Variants in RAPGEF4 observed in about 807,000 individuals in gnomAD.
RAPGEF4 encodes the protein Rap guanine nucleotide exchange factor 4.
In RAPGEF4, 66 loss-of-function variants were observed where a neutral mutation model predicts 147.9. The observed-to-expected ratio is 0.45, with a 90% confidence interval of 0.37 to 0.55. RAPGEF4 has a LOEUF of 0.55. RAPGEF4 is among the 20% of genes least tolerant of loss of function. The pLI is 0.00. For missense variants in RAPGEF4, 1,071 were observed against 1,257.3 expected (o/e 0.85, Z 2.24); for synonymous variants, 419 against 442.7 (o/e 0.95, Z 0.67).
At chr2:172,802,016 G>A (rs1311327708) in intron 3 of RAPGEF4, among the ~76,000 whole-genome samples, 1 of 152,150 alleles carries the variant, frequency 6.6e-6, no homozygotes, top group African/African-American at 2.4e-5. Flanking sequence ...ATAAGTGTAG[G>A]TGATAGGGAG....
intron 4 of RAPGEF4, among the ~76,000 whole-genome samples, chr2:172,907,333 C>T (rs1179470842): frequency 1.3e-5 from 2 of 152,232 alleles, no homozygotes; most frequent in Non-Finnish European, 2.9e-5. Context: ...CTTCTTTCTG[C>T]CTTCCCTCTT....
At chr2:172,921,952 T>C (rs138252706) in intron 5 of RAPGEF4, among the ~76,000 whole-genome samples, 6,588 of 152,332 alleles carry the variant, frequency 0.043, 229 homozygotes, top group South Asian at 0.14. Flanking sequence ...CCGAGTGTTC[T>C]GGTGCCTAAA....
At chr2:172,737,320 A>T (rs1471511875) in intron 1 of RAPGEF4, among the ~76,000 whole-genome samples, 1 of 152,234 alleles carries the variant, frequency 6.6e-6, no homozygotes, top group African/African-American at 2.4e-5. Context: ...AGAAGAACTA[A>T]GAGTATTTAA....
At chr2:172,777,728 C>G (rs73979549) in intron 1 of RAPGEF4, among the ~76,000 whole-genome samples, 12,064 of 152,144 alleles carry the variant, frequency 0.079, 504 homozygotes, top group African/African-American at 0.09. Flanking sequence ...TTTGAGTTCT[C>G]CCTCTCTGCC....
At chr2:173,005,419 G>T (rs17689935) in intron 17 of RAPGEF4, among the ~76,000 whole-genome samples, 52,567 of 151,196 alleles carry the variant, frequency 0.35, 10,226 homozygotes, top group East Asian at 0.79. Flanking sequence ...TTGATTCAGA[G>T]TATTTTCACA....
intron 4 of RAPGEF4, among the ~76,000 whole-genome samples, chr2:172,904,835 T>C (rs1441577659): frequency 6.6e-6 from 1 of 151,788 alleles, no homozygotes; most frequent in Non-Finnish European, 1.5e-5. Context: ...TGTTTTCCCA[T>C]CAAAACCATC....
At chr2:172,866,967 T>TC (rs1356760408) in intron 4 of RAPGEF4, among the ~76,000 whole-genome samples, 2 of 151,382 alleles carry the variant, frequency 1.3e-5, no homozygotes, top group Admixed American at 1.3e-4. Flanking sequence ...TTTTTTTTTT[T>TC]CTTGAGACAG....
At chr2:173,007,511 C>T (rs1419309304) in intron 17 of RAPGEF4, among the ~76,000 whole-genome samples, 1 of 152,122 alleles carries the variant, frequency 6.6e-6, no homozygotes, top group Non-Finnish European at 1.5e-5. Flanking sequence ...AAATGACTTC[C>T]AGAGAAGAAT....
At chr2:172,975,841 T>G (rs1207394998) in intron 10 of RAPGEF4, among the ~76,000 whole-genome samples, 1 of 152,260 alleles carries the variant, frequency 6.6e-6, no homozygotes, top group Non-Finnish European at 1.5e-5. Flanking sequence ...CTTAGGTGTT[T>G]TAAAGGAAAA....
At chr2:172,945,628 C>G (rs1039241638) in intron 6 of RAPGEF4, among the ~76,000 whole-genome samples, 8 of 152,050 alleles carry the variant, frequency 5.3e-5, no homozygotes, top group African/African-American at 1.4e-4. Flanking sequence ...GGACAAAGAC[C>G]TTTTTTTCAT....
intron 4 of RAPGEF4, among the ~76,000 whole-genome samples, chr2:172,819,760 C>A (rs1302019773): frequency 1.3e-5 from 2 of 152,134 alleles, no homozygotes; most frequent in Non-Finnish European, 2.9e-5. Context: ...CCACCGCGCC[C>A]GGCCCATTTT....
In RAPGEF4 at chr2:172,925,777, A is replaced by AAGAGAGAGAGAGAGAG. The variant is rs67773579; in HGVS notation, c.537+3483_537+3498dup. Among the ~76,000 whole-genome samples the AAGAGAGAGAGAGAGAG allele has an allele frequency of 7.0e-3, 936 of 133,858 alleles. 7 individuals carry two copies. Among genetic ancestry groups the AAGAGAGAGAGAGAGAG allele is most frequent in the Admixed American group, 0.023 (276 of 11,998 alleles). 87.8% of individuals were successfully genotyped at this position (133,858 alleles called of 152,430 possible). A position where few individuals can be genotyped will look rare whatever the true frequency, so the allele number is the denominator to read the frequency against. ...AAAGAGAGAAAGGAAGAAAGAAAGA[A>AAGAGAGAGAGAGAGAG]AGAGAGAGAGAGAGAGAGAGAAAGA... On this transcript the variant is annotated intron_variant, in intron 6 of 30. Transcript: ENST00000397081.
At chr2:172,899,535 C>G (rs1203136796) in intron 4 of RAPGEF4, among the ~76,000 whole-genome samples, 1 of 152,126 alleles carries the variant, frequency 6.6e-6, no homozygotes, top group Non-Finnish European at 1.5e-5. Context: ...ATGTGCTTCC[C>G]AGAAAACCTA....
rs141508169 is a variant in RAPGEF4, at chr2:172,779,673, A to G, written c.66-15352A>G. Among the ~76,000 whole-genome samples, 9 of 152,320 alleles carry G rather than the reference A, an allele frequency of 5.9e-5. 1 individual carries two copies. The highest frequency in any genetic ancestry group is 2.2e-4 in the African/African-American group (9 of 41,572). ...GGACATGCTGTGAACCTGCTTAAAT[A>G]TTAAAAGTATCACTCTGGATCCTCC... is the stretch of plus-strand genomic sequence containing the variant. On this transcript the variant is annotated intron_variant, in intron 1 of 30. Transcript: ENST00000397081.
At chr2:172,969,759 G>A (rs1442845177) in intron 10 of RAPGEF4, among the ~76,000 whole-genome samples, 5 of 152,194 alleles carry the variant, frequency 3.3e-5, no homozygotes. Context: ...CTAATTGTTT[G>A]ATTTAGCCTT....
At chr2:172,797,732 G>T (rs925200740) in intron 3 of RAPGEF4, 119 bp downstream of exon 3, 4 of 752,702 alleles carry the variant, frequency 5.3e-6, no homozygotes, top group Non-Finnish European at 8.6e-6. Flanking sequence ...CCACAATAAG[G>T]AGTTCAGCAC....
At chr2:173,025,832 A>G (rs1696610414) in intron 23 of RAPGEF4, among the ~76,000 whole-genome samples, 1 of 152,342 alleles carries the variant, frequency 6.6e-6, no homozygotes, top group South Asian at 2.1e-4. Flanking sequence ...ATATATGCAT[A>G]TCATTCATCT....
chr2:172,796,612 C>T (rs889218245), intron 2 of RAPGEF4, among the ~76,000 whole-genome samples: 12 of 152,222 alleles, frequency 7.9e-5, no homozygotes, highest in Admixed American at 1.3e-4. Flanking sequence ...ACCTTGAACT[C>T]CTAGGCTCAA....
intron 17 of RAPGEF4, among the ~76,000 whole-genome samples, chr2:173,013,890 T>G (rs1329660706): frequency 6.6e-6 from 1 of 152,224 alleles, no homozygotes; most frequent in East Asian, 1.9e-4. Flanking sequence ...CACCAGAGAA[T>G]TGGTACAGCA....
Sources: allele counts gnomAD v4.1 joint callset (sites outside exome capture counted in the v4.1 genomes callset), GRCh38; gene constraint gnomAD v4.1.1; transcripts MANE v1.5; gene names NCBI Gene and HGNC (gene_info 2026-07-23, HGNC 2026-07-21).